The following RPGRIP1 variants were observed in gnomAD, a reference collection of about 807,000 sequenced individuals.
RPGRIP1 encodes the protein X-linked retinitis pigmentosa GTPase regulator-interacting protein 1.
A neutral mutation model predicts 157.9 loss-of-function variants in RPGRIP1; 128 were observed. The ratio of observed to expected loss-of-function variants is 0.81; its 90% CI spans 0.70 to 0.94. RPGRIP1 has a LOEUF of 0.94. RPGRIP1 is among the 40% of genes least tolerant of loss of function. The pLI is 0.00. For missense variants in RPGRIP1, 1,486 were observed against 1,545.8 expected (o/e 0.96, Z 0.65); for synonymous variants, 554 against 571.6 (o/e 0.97, Z 0.44).
At chr14:21,342,473 T>A (rs1594264542) in intron 21 of RPGRIP1, among the ~76,000 whole-genome samples, 1 of 150,254 alleles carries the variant, frequency 6.7e-6, no homozygotes, top group South Asian at 2.1e-4. Flanking sequence ...GAGATCAGGA[T>A]GTCAAAGCTG....
chr14:21,308,886 TC>T (rs1159372664), intron 7 of RPGRIP1, among the ~76,000 whole-genome samples: 1 of 152,122 alleles, frequency 6.6e-6, no homozygotes, highest in Non-Finnish European at 1.5e-5. Context: ...AAACTGGCCC[TC>T]CTACCCTAGT....
In RPGRIP1 at chr14:21,312,114, C is replaced by T; in HGVS notation, c.1077+144C>T. 6.5e-6 allele frequency: 5 copies of T among 774,814 alleles called. No homozygotes were observed. In the East Asian group the frequency reaches 8.0e-5, roughly 12 times the overall value. The allele number at this position is 774,814 out of a possible 1,614,324, so 48.0% of individuals were successfully genotyped here. ...TAGTTAAATCATTTGCTTAAGATTA[C>T]ACCATTAGAGGGAAAGCTTGGATTT... On this transcript the variant is annotated intron_variant, in intron 9 of 24. Coordinates refer to ENST00000400017, the MANE Select transcript of RPGRIP1 (RefSeq NM_020366.4).
chr14:21,322,104 C>T, intron 14 of RPGRIP1, 100 bp downstream of exon 14: 1 of 980,460 alleles, frequency 1.0e-6, no homozygotes, highest in Non-Finnish European at 1.5e-6. Flanking sequence ...CTCTCATACC[C>T]TTAGCATATG....
Position 21,347,368 on chromosome 14 carries a change from A to G in RPGRIP1, c.3618-804A>G, listed in dbSNP as rs1885670922. Reference sequence around the variant, plus strand: ...TGCCCGGCACATTGTAATGCTAGTTATCATCCCTTTCCTATGCAAATTGGG... The same window carrying G: ...TGCCCGGCACATTGTAATGCTAGTTGTCATCCCTTTCCTATGCAAATTGGG... On this transcript the variant is annotated intron_variant, in intron 23 of 24. Transcript: ENST00000400017. Among the ~76,000 whole-genome samples the G allele has an allele frequency of 2.0e-5, 3 of 152,254 alleles. No homozygotes were observed. In the South Asian group the frequency reaches 6.2e-4, roughly 31 times the overall value.
At chr14:21,318,029 CACTT>C (rs1356304869) in intron 11 of RPGRIP1, 179 bp downstream of exon 11, 4 of 700,882 alleles carry the variant, frequency 5.7e-6, no homozygotes, top group South Asian at 1.6e-5. Context: ...GAAAACATGA[CACTT>C]ACCTACCTCT....
intron 5 of RPGRIP1, 52 bp from the exon 6 acceptor site, chr14:21,303,279 C>A: frequency 1.6e-5 from 22 of 1,342,358 alleles, no homozygotes; most frequent in Non-Finnish European, 2.3e-5. Context: ...GTGTAAGAAC[C>A]CAATTCTAAA....
intron 10 of RPGRIP1, among the ~76,000 whole-genome samples, chr14:21,315,587 G>A (rs1010965387): frequency 6.6e-6 from 1 of 151,582 alleles, no homozygotes; most frequent in Non-Finnish European, 1.5e-5. Context: ...AGGTCTTACG[G>A]GAGCATCTGG....
intron 8 of RPGRIP1, 178 bp downstream of exon 8, chr14:21,310,785 T>C: frequency 1.5e-6 from 1 of 679,340 alleles, no homozygotes. Context: ...ATACAGATAC[T>C]TATTGCACTG....
intron 3 of RPGRIP1, among the ~76,000 whole-genome samples, chr14:21,300,291 GAA>G (rs1450766318): frequency 9.6e-6 from 1 of 104,594 alleles, no homozygotes; most frequent in Non-Finnish European, 1.9e-5. Context: ...GGAAACAAGA[GAA>G]AAAGTCCGTC....
intron 23 of RPGRIP1, 62 bp downstream of exon 23, chr14:21,345,259 A>C: frequency 7.7e-7 from 1 of 1,294,038 alleles, no homozygotes; most frequent in Non-Finnish European, 1.1e-6. Context: ...CAAAAGTTTG[A>C]GTTTGGTTTT....
Position 21,339,886 on chromosome 14 carries a change from G to A in RPGRIP1, c.3340-3150G>A, listed in dbSNP as rs113237127. Among the ~76,000 whole-genome samples, 333 of 152,248 alleles carry A rather than the reference G, an allele frequency of 2.2e-3. 1 individual carries two copies. The highest frequency in any genetic ancestry group is 0.014 in the Middle Eastern group (4 of 294). On this transcript the variant is annotated intron_variant, in intron 21 of 24. Coordinates refer to ENST00000400017, the MANE Select transcript of RPGRIP1 (RefSeq NM_020366.4). ...CTCTTGAATCTTACATACTACTGAGGGAAAATATGTACATCAGTGAGCAAA... is the reference window on the plus strand; with the variant it reads ...CTCTTGAATCTTACATACTACTGAGAGAAAATATGTACATCAGTGAGCAAA...
intron 5 of RPGRIP1, 30 bp downstream of exon 5, chr14:21,302,614 T>A (rs1342116300): frequency 7.7e-7 from 1 of 1,302,380 alleles, no homozygotes; most frequent in Admixed American, 2.0e-5. Context: ...CCCATGTTGT[T>A]ATTCCTGCCA....
chr14:21,295,684 C>T (rs1566669046), intron 3 of RPGRIP1, among the ~76,000 whole-genome samples: 1 of 151,854 alleles, frequency 6.6e-6, no homozygotes, highest in Non-Finnish European at 1.5e-5. Flanking sequence ...CCATGTTGGT[C>T]AGGCTGGTCT....
intron 3 of RPGRIP1, among the ~76,000 whole-genome samples, chr14:21,298,010 A>G (rs1880868152): frequency 6.6e-6 from 1 of 151,996 alleles, no homozygotes. Context: ...AACTAGTGCA[A>G]GGCTGAAGCC....
intron 10 of RPGRIP1, 63 bp downstream of exon 10, chr14:21,312,569 C>A: frequency 2.1e-6 from 2 of 957,052 alleles, no homozygotes; most frequent in African/African-American, 1.6e-5. Flanking sequence ...AAAGTTCATT[C>A]CTAATACCTA....
At chr14:21,291,339 T>C (rs1414115125) in intron 2 of RPGRIP1, among the ~76,000 whole-genome samples, 1 of 152,164 alleles carries the variant, frequency 6.6e-6, no homozygotes, top group Non-Finnish European at 1.5e-5. Context: ...AGAGTCATAG[T>C]GATAGGAAAC....
chr14:21,300,900 C>T (rs1880996412), intron 3 of RPGRIP1, 66 bp from the exon 4 acceptor site: 1 of 1,541,898 alleles, frequency 6.5e-7, no homozygotes, highest in East Asian at 2.3e-5. Context: ...GATTATATGT[C>T]CCAAATAACC....
chr14:21,297,096 G>A (rs1459649749), intron 3 of RPGRIP1, among the ~76,000 whole-genome samples: 1 of 151,816 alleles, frequency 6.6e-6, no homozygotes, highest in South Asian at 2.1e-4. Flanking sequence ...GTTTTGTTTT[G>A]TTTTGTTTTG....
At chr14:21,336,759 G>T (rs191229977) in intron 21 of RPGRIP1, among the ~76,000 whole-genome samples, 1 of 152,124 alleles carries the variant, frequency 6.6e-6, no homozygotes, top group African/African-American at 2.4e-5. Context: ...CTCCAGTTGA[G>T]GTTTTTAAAC....
Sources: allele counts gnomAD v4.1 joint callset (sites outside exome capture counted in the v4.1 genomes callset), GRCh38; gene constraint gnomAD v4.1.1; transcripts MANE v1.5; gene names NCBI Gene and HGNC (gene_info 2026-07-23, HGNC 2026-07-21).